CCDC74A: variants seen among roughly 807,000 people sequenced by gnomAD.
CCDC74A encodes coiled-coil domain containing 74A, also known as coiled-coil domain-containing protein 74A.
CCDC74A carries 38 observed loss-of-function variants against 37.6 expected under a neutral mutation model. That is an observed-to-expected ratio of 1.01 (90% CI 0.78 to 1.33). The LOEUF (loss-of-function observed/expected upper bound fraction) is 1.33. Among genes scored for constraint, CCDC74A ranks in the 40% most tolerant of loss-of-function variants. The pLI is 0.00. For synonymous variants in CCDC74A, 134 were observed against 165.2 expected, an observed-to-expected ratio of 0.81 and a Z score of 1.45; for missense variants, 340 against 403.4, an observed-to-expected ratio of 0.84 and a Z score of 1.35.
chr2:131,530,739 T>A, intron 2 of CCDC74A, 38 bp from the exon 3 acceptor site: 1 of 1,613,146 alleles, frequency 6.2e-7, no homozygotes, highest in Non-Finnish European at 8.5e-7. Context: ...GTGGGCGTCT[T>A]GCGGGCGGTA....
chr2:131,528,376 C>T (rs941554829), intron 1 of CCDC74A, 156 bp downstream of exon 1: 7 of 1,549,466 alleles, frequency 4.5e-6, no homozygotes, highest in Middle Eastern at 1.7e-4. Flanking sequence ...CTGAGCTGTC[C>T]CCTCCTCCCA....
chr2:131,528,902 CAGG>C (rs1489139213), intron 1 of CCDC74A, among the ~76,000 whole-genome samples: 1 of 152,064 alleles, frequency 6.6e-6, no homozygotes, highest in African/African-American at 2.4e-5. Flanking sequence ...CACATCGGAT[CAGG>C]AGCAGGCATT....
At chr2:131,532,965 T>C in intron 6 of CCDC74A, 28 bp downstream of exon 6, 2 of 1,613,914 alleles carry the variant, frequency 1.2e-6, no homozygotes, top group Non-Finnish European at 8.5e-7. Context: ...CCCTGCCCCA[T>C]CCCTGGGGTC....
chr2:131,529,461 GC>G (rs1411076831), intron 1 of CCDC74A, 185 bp from the exon 2 acceptor site: 6 of 782,724 alleles, frequency 7.7e-6, no homozygotes, highest in Non-Finnish European at 1.3e-5. Flanking sequence ...AACAGGCAGG[GC>G]CATTCCTGGC....
In CCDC74A at chr2:131,533,268, G is replaced by A. The variant is rs1223848657; in HGVS notation, c.810-1G>A. On this transcript the variant is annotated splice_acceptor_variant, in intron 7 of 7. Coordinates refer to ENST00000409856, the MANE Select transcript of CCDC74A (RefSeq NM_001258306.3). LOFTEE classifies it high-confidence loss of function. ...GGTGACAGTCCCTCTACCCGCCCCAGCCTGAGCCCACCTGTGGCGGAGCGT... is the reference window on the plus strand; with the variant it reads ...GGTGACAGTCCCTCTACCCGCCCCAACCTGAGCCCACCTGTGGCGGAGCGT... 1 of 1,612,816 alleles carries A rather than the reference G, an allele frequency of 6.2e-7. No homozygotes were observed.
chr2:131,533,345 C>G lies in CCDC74A; in HGVS notation c.886C>G (p.Gln296Glu), dbSNP rs529189326. 6.2e-7 allele frequency: 1 copy of G among 1,613,624 alleles called. No homozygotes were observed. Among genetic ancestry groups the G allele is most frequent in the Non-Finnish European group, 8.5e-7 (1 of 1,179,980 alleles). Residue 296 changes from glutamine (Q) to glutamate (E), a missense_variant, in exon 8 of 8, where the codon CAG becomes GAG. Around this residue, in one of 3 missense-constraint regions of CCDC74A, gnomAD observed 185 missense variants for 231.5 expected, o/e 0.80. Transcript: ENST00000409856. ...QTPKNNFAER[Q>E]KRLQAMQKRR... ...CCCGAAGAACAACTTTGCCGAGAGG[C>G]AGAAGAGGCTGCAGGCAATGCAGAA...
At chr2:131,526,158 T>C (rs978392896), upstream of CCDC74A, among the ~76,000 whole-genome samples, 2 of 149,812 alleles carry the variant, frequency 1.3e-5, no homozygotes, top group Non-Finnish European at 3.0e-5. Context: ...TTTTTTTTTT[T>C]TTTTCTGAGA....
At chr2:131,529,880 C>T in intron 2 of CCDC74A, 189 bp downstream of exon 2, 1 of 1,495,910 alleles carries the variant, frequency 6.7e-7, no homozygotes, top group Non-Finnish European at 8.9e-7. Context: ...CCAAGCACAG[C>T]ACGTGCTGCT....
In CCDC74A at chr2:131,528,159, G is replaced by A. The variant is rs1299159881; in HGVS notation, c.189G>A (p.Gln63=). ...LEKSLQFLQQ[Q]HSEMLAKLHE... is the part of the protein sequence containing the mutation. ...AAAGCCTGCAGTTCCTGCAGCAGCA[G>A]CACTCGGAGATGCTGGCCAAGCTCC... is the stretch of plus-strand genomic sequence containing the variant. Residue 63 remains glutamine, a synonymous_variant, in exon 1 of 8, where the codon CAG becomes CAA. Coordinates refer to ENST00000409856, the MANE Select transcript of CCDC74A (RefSeq NM_001258306.3). The A allele has an allele frequency of 1.2e-6, 2 of 1,613,938 alleles. No homozygotes were observed. Among genetic ancestry groups the A allele is most frequent in the East Asian group, 2.2e-5 (1 of 44,864 alleles).
At chr2:131,529,410 A>G (rs771707842) in intron 1 of CCDC74A, 1 of 672,778 alleles carries the variant, frequency 1.5e-6, no homozygotes, top group South Asian at 1.6e-5. Context: ...CAGTCATCTC[A>G]GATGGATGAG....
rs553172534 is a variant in CCDC74A, at chr2:131,531,213, G to A, written c.346+386G>A. 5.3e-5 allele frequency among the ~76,000 whole-genome samples: 8 copies of A among 152,272 alleles called. No individual in the cohort carries two copies. In the East Asian group the frequency reaches 5.8e-4, roughly 11 times the overall value. ...GGGATGGCACTGCCCACGGAGCCCTGGGCTCATGGCACCTTCTGCAGAGTG... is the reference window on the plus strand; with the variant it reads ...GGGATGGCACTGCCCACGGAGCCCTAGGCTCATGGCACCTTCTGCAGAGTG... On this transcript the variant is annotated intron_variant, in intron 3 of 7. Coordinates refer to ENST00000409856, the MANE Select transcript of CCDC74A (RefSeq NM_001258306.3).
chr2:131,528,333 G>A, intron 1 of CCDC74A, 113 bp downstream of exon 1: 4 of 1,548,098 alleles, frequency 2.6e-6, no homozygotes, highest in Admixed American at 2.0e-5. Flanking sequence ...TGGGCTCAGG[G>A]GGAACACAGG....
At chr2:131,528,681 G>C (rs557293644) in intron 1 of CCDC74A, 1 of 439,094 alleles carries the variant, frequency 2.3e-6, no homozygotes, top group South Asian at 1.9e-5. Flanking sequence ...CGTGGTGGTG[G>C]GCGTCTGTAG....
chr2:131,528,573 G>A (rs534272056), intron 1 of CCDC74A: 2 of 1,103,940 alleles, frequency 1.8e-6, no homozygotes, highest in Non-Finnish European at 2.7e-6. Flanking sequence ...CACTTTGGGA[G>A]GCCGAGACGG....
At chr2:131,530,898 A>G in intron 3 of CCDC74A, 71 bp downstream of exon 3, 1 of 1,564,806 alleles carries the variant, frequency 6.4e-7, no homozygotes, top group Non-Finnish European at 8.7e-7. Context: ...GGTGGCCTCT[A>G]GGGGTGCTGA....
chr2:131,523,079 A>AT (rs1017348593), upstream of CCDC74A, among the ~76,000 whole-genome samples: 3 of 152,014 alleles, frequency 2.0e-5, no homozygotes, highest in Non-Finnish European at 2.9e-5. Context: ...TAATTTTTAA[A>AT]TTTTTTTGTA....
chr2:131,523,915 G>C (rs1291930560), upstream of CCDC74A, among the ~76,000 whole-genome samples: 1 of 151,892 alleles, frequency 6.6e-6, no homozygotes, highest in East Asian at 1.9e-4. Context: ...CACCCTATGG[G>C]AAGGATCATG....
At chr2:131,524,886 C>CAAAAAAAAAAA (rs57589680), upstream of CCDC74A, among the ~76,000 whole-genome samples, 11 of 98,272 alleles carry the variant, frequency 1.1e-4, no homozygotes, top group Non-Finnish European at 1.4e-4. Flanking sequence ...CATAGTAAGA[C>CAAAAAAAAAAA]AAAAAAAAAA....
At chr2:131,528,773 T>A in intron 1 of CCDC74A, 1 of 356,128 alleles carries the variant, frequency 2.8e-6, no homozygotes, top group South Asian at 2.1e-5. Context: ...ATCTTGCGAC[T>A]GCACTCCAGC....
Sources: allele counts gnomAD v4.1 joint callset (sites outside exome capture counted in the v4.1 genomes callset), GRCh38; gene constraint gnomAD v4.1.1; regional missense constraint gnomAD v4.1.1; transcripts MANE v1.5; gene names NCBI Gene and HGNC (gene_info 2026-07-23, HGNC 2026-07-21).